Variants in ELMOD1 observed in about 807,000 individuals in gnomAD.
The protein encoded by ELMOD1 is ELMO domain-containing protein 1.
Under a neutral mutation model 46.7 loss-of-function variants are expected in ELMOD1, and 21 were observed. The ratio of observed to expected loss-of-function variants is 0.45; its 90% CI spans 0.32 to 0.65. The LOEUF is 0.65. Ranked by LOEUF, ELMOD1 falls within the 30% of genes least tolerant of loss-of-function variation. ELMOD1 has a pLI of 0.04. For synonymous variants in ELMOD1, 122 were observed against 138.2 expected, an observed-to-expected ratio of 0.88 and a Z score of 0.82; for missense variants, 348 against 407.8, an observed-to-expected ratio of 0.85 and a Z score of 1.26.
intron 9 of ELMOD1, chr11:107,653,318 A>G (rs1866557957): frequency 6.7e-6 from 1 of 149,328 alleles, no homozygotes; most frequent in Admixed American, 6.7e-5. Flanking sequence ...AGCCTGAATG[A>G]CAGAGCGAGG....
intron 6 of ELMOD1, 114 bp downstream of exon 6, chr11:107,635,879 C>T (rs756777381): frequency 4.6e-6 from 5 of 1,083,414 alleles, no homozygotes; most frequent in South Asian, 4.7e-5. Context: ...GGATCAGACA[C>T]GGGCACCTAA....
chr11:107,618,202 C>G lies in ELMOD1; in HGVS notation c.13C>G (p.Leu5Val). Residue 5 changes from leucine (L) to valine (V), a missense_variant, in exon 2 of 12, where the codon CTG becomes GTG. Transcript: ENST00000265840. ...CAACACGGGCACCATGAAGCACTTCCTGAGGTATGTGTTTACGGTTCCCTG... is the reference window on the plus strand; with the variant it reads ...CAACACGGGCACCATGAAGCACTTCGTGAGGTATGTGTTTACGGTTCCCTG... MKHF[L>V]RMLIQVCLYF... 1 of 1,565,858 alleles carries G rather than the reference C, an allele frequency of 6.4e-7. No homozygotes were observed. The highest frequency in any genetic ancestry group is 8.7e-7 in the Non-Finnish European group (1 of 1,154,312).
chr11:107,652,597 A>C (rs775186883), intron 9 of ELMOD1, among the ~76,000 whole-genome samples: 1 of 152,178 alleles, frequency 6.6e-6, no homozygotes, highest in Non-Finnish European at 1.5e-5. Context: ...GGTGCTTATA[A>C]ATTCTTATAT....
intron 7 of ELMOD1, among the ~76,000 whole-genome samples, chr11:107,649,446 G>A (rs1298402718): frequency 6.6e-6 from 1 of 151,982 alleles, no homozygotes; most frequent in Non-Finnish European, 1.5e-5. Flanking sequence ...AATGATAAAG[G>A]ATCTATGTTC....
At chr11:107,628,447 G>C (rs1435907632) in intron 2 of ELMOD1, among the ~76,000 whole-genome samples, 1 of 152,128 alleles carries the variant, frequency 6.6e-6, no homozygotes, top group Non-Finnish European at 1.5e-5. Flanking sequence ...TTACAGGCGT[G>C]AGCCACTGCG....
chr11:107,611,152 A>T (rs994617591), intron 1 of ELMOD1, among the ~76,000 whole-genome samples: 4 of 152,210 alleles, frequency 2.6e-5, no homozygotes, highest in African/African-American at 9.7e-5. Flanking sequence ...AGCAAAAGAA[A>T]CTATCAACAG....
intron 6 of ELMOD1, among the ~76,000 whole-genome samples, chr11:107,636,040 G>A (rs908453039): frequency 1.3e-5 from 2 of 152,156 alleles, no homozygotes; most frequent in Non-Finnish European, 2.9e-5. Flanking sequence ...CTCACATTTG[G>A]CTTAAGTTTA....
intron 1 of ELMOD1, among the ~76,000 whole-genome samples, chr11:107,602,817 C>T (rs186120865): frequency 1.3e-5 from 2 of 151,212 alleles, no homozygotes; most frequent in Non-Finnish European, 2.9e-5. Flanking sequence ...GCTATCTGCT[C>T]ATATTTAAGA....
chr11:107,639,613 C>A (rs140171433), intron 6 of ELMOD1, among the ~76,000 whole-genome samples: 1 of 152,058 alleles, frequency 6.6e-6, no homozygotes, highest in Non-Finnish European at 1.5e-5. Context: ...GCAGAGGGTT[C>A]GAGACCAGGC....
At chr11:107,622,915 G>A (rs1264008220) in intron 2 of ELMOD1, among the ~76,000 whole-genome samples, 1 of 152,074 alleles carries the variant, frequency 6.6e-6, no homozygotes, top group Non-Finnish European at 1.5e-5. Context: ...TTACATGTAT[G>A]TGTGCATATA....
chr11:107,630,684 G>A lies in ELMOD1; in HGVS notation c.164-16G>A. On this transcript the variant is annotated splice_polypyrimidine_tract_variant and intron_variant, in intron 3 of 11. Coordinates refer to ENST00000265840, the MANE Select transcript of ELMOD1 (RefSeq NM_018712.4). The stretch of plus-strand genomic sequence containing the variant: ...GGATAATCTTTGAATGACTGTTTTT[G>A]TTGCTGCTTTCACAGAAACATCACT... 6.2e-7 allele frequency: 1 copy of A among 1,607,896 alleles called. No homozygotes were observed. The highest frequency in any genetic ancestry group is 1.1e-5 in the South Asian group (1 of 89,632).
chr11:107,613,451 A>C (rs376599484), intron 1 of ELMOD1, among the ~76,000 whole-genome samples: 1 of 151,928 alleles, frequency 6.6e-6, no homozygotes, highest in South Asian at 2.1e-4. Flanking sequence ...CACCATGCAC[A>C]CTCCCTGCCA....
At chr11:107,658,301 G>A (rs1866669939) in intron 11 of ELMOD1, among the ~76,000 whole-genome samples, 2 of 152,244 alleles carry the variant, frequency 1.3e-5, no homozygotes, top group South Asian at 4.1e-4. Context: ...TCTGAACAAT[G>A]TGCATGTATA....
At chr11:107,662,535 G>A (rs772464546) in intron 11 of ELMOD1, among the ~76,000 whole-genome samples, 4 of 151,630 alleles carry the variant, frequency 2.6e-5, no homozygotes, top group Admixed American at 6.6e-5. Context: ...GCTTGAACCC[G>A]GGAGGCAGAG....
intron 5 of ELMOD1, among the ~76,000 whole-genome samples, chr11:107,635,257 A>G (rs544216144): frequency 6.6e-6 from 1 of 152,300 alleles, no homozygotes; most frequent in African/African-American, 2.4e-5. Context: ...TAACCTGCAT[A>G]AAGAAATCCC....
chr11:107,655,915 G>A lies in ELMOD1; in HGVS notation c.699-18G>A. 1.3e-6 allele frequency: 2 copies of A among 1,599,884 alleles called. No homozygotes were observed. Among genetic ancestry groups the A allele is most frequent in the Non-Finnish European group, 1.7e-6 (2 of 1,172,440 alleles). On this transcript the variant is annotated intron_variant, in intron 10 of 11. Coordinates refer to ENST00000265840, the MANE Select transcript of ELMOD1 (RefSeq NM_018712.4). ...TTCTATGTGACACACAGTTGGTTTT[G>A]TGGTTTATACTTTATAGGTACTCAT... is the stretch of plus-strand genomic sequence containing the variant.
At chr11:107,610,661 TAAAAAAA>T (rs1191411968) in intron 1 of ELMOD1, among the ~76,000 whole-genome samples, 1 of 100,762 alleles carries the variant, frequency 9.9e-6, no homozygotes, top group African/African-American at 3.8e-5. Flanking sequence ...AGATCCTATC[TAAAAAAA>T]AAAAAAAAAA....
intron 11 of ELMOD1, among the ~76,000 whole-genome samples, chr11:107,663,943 T>C (rs1179806565): frequency 6.6e-6 from 1 of 152,200 alleles, no homozygotes; most frequent in Non-Finnish European, 1.5e-5. Flanking sequence ...CTCCTTCTAA[T>C]GTTAAGACAA....
In ELMOD1 at chr11:107,595,614, A is replaced by C. The variant is rs547340858; in HGVS notation, c.-86+4205A>C. Among the ~76,000 whole-genome samples, 129 of 152,252 alleles carry C rather than the reference A, an allele frequency of 8.5e-4. 1 individual carries two copies. The highest frequency in any genetic ancestry group is 3.4e-3 in the Middle Eastern group (1 of 294). ...GAACCTTAACTGAAATTGTGTGCCC[A>C]ATTTACATTTTATATTCTAAGTCCT... On this transcript the variant is annotated intron_variant, in intron 1 of 11. Transcript: ENST00000265840.
Sources: gnomAD v4.1 joint callset for allele counts (sites outside exome capture counted in the v4.1 genomes callset) on GRCh38, gnomAD v4.1.1 for gene constraint, MANE v1.5 for transcripts, NCBI Gene and HGNC (gene_info 2026-07-23, HGNC 2026-07-21) for gene names.